The following ACVR2A variants were observed in gnomAD, a reference collection of about 807,000 sequenced individuals.
ACVR2A encodes the protein activin A receptor type 2A, also known as activin receptor type-2A.
In ACVR2A, 7 loss-of-function variants were observed where a neutral mutation model predicts 61.4. The observed-to-expected ratio is 0.11, with a 90% CI of 0.06 to 0.21. The LOEUF is 0.21. ACVR2A is among the 10% of genes least tolerant of loss of function. ACVR2A has a pLI of 1.00. For synonymous variants in ACVR2A, 193 were observed against 208.3 expected (o/e 0.93, Z 0.63); for missense variants, 322 against 621.7 (o/e 0.52, Z 5.13).
At chr2:147,879,108 T>A (rs2105167867) in intron 1 of ACVR2A, among the ~76,000 whole-genome samples, 1 of 152,328 alleles carries the variant, frequency 6.6e-6, no homozygotes, top group Admixed American at 6.5e-5. Flanking sequence ...TATTTGCAAA[T>A]TAGAGATGAT....
chr2:147,853,280 GTATGATGGA>G (rs1685491241), intron 1 of ACVR2A, among the ~76,000 whole-genome samples: 2 of 152,102 alleles, frequency 1.3e-5, no homozygotes, highest in Admixed American at 6.5e-5. Flanking sequence ...GGCAGACACT[GTATGATGGA>G]TATGTCTTCA....
chr2:147,896,730 A>G (rs902131428), intron 2 of ACVR2A: 7 of 450,658 alleles, frequency 1.6e-5, no homozygotes, highest in East Asian at 7.2e-5. Context: ...TGAATAATCT[A>G]CCCAGTAGTG....
At chr2:147,854,239 C>T (rs375093099) in intron 1 of ACVR2A, among the ~76,000 whole-genome samples, 20 of 152,190 alleles carry the variant, frequency 1.3e-4, no homozygotes, top group Non-Finnish European at 2.6e-4. Flanking sequence ...ATCGTGGTTC[C>T]TTACAAAGAG....
chr2:147,882,287 A>G (rs542972321), intron 1 of ACVR2A, among the ~76,000 whole-genome samples: 1 of 152,364 alleles, frequency 6.6e-6, no homozygotes, highest in South Asian at 2.1e-4. Flanking sequence ...GCAGTTGCTC[A>G]TGACTGTAAT....
chr2:147,857,300 A>G (rs911021717), intron 1 of ACVR2A, among the ~76,000 whole-genome samples: 43 of 152,134 alleles, frequency 2.8e-4, no homozygotes, highest in Non-Finnish European at 4.9e-4. Context: ...CTAGCAACAT[A>G]TATTTAGCAG....
chr2:147,868,561 A>G (rs1685933430), intron 1 of ACVR2A, among the ~76,000 whole-genome samples: 2 of 151,782 alleles, frequency 1.3e-5, no homozygotes, highest in Admixed American at 6.6e-5. Flanking sequence ...GATGTGGATA[A>G]TCTGTTCCCT....
chr2:147,891,179 G>A (rs540316263), intron 1 of ACVR2A, among the ~76,000 whole-genome samples: 29 of 152,126 alleles, frequency 1.9e-4, no homozygotes, highest in Non-Finnish European at 7.4e-5. Context: ...CATTACTAAC[G>A]CTGATTGGAA....
chr2:147,896,761 A>AT (rs1349562345), intron 2 of ACVR2A: 5 of 338,438 alleles, frequency 1.5e-5, no homozygotes, highest in African/African-American at 1.0e-4. Context: ...AATAAAAACC[A>AT]TTTTCCCCAA....
At chr2:147,863,553 A>T (rs1268049150) in intron 1 of ACVR2A, among the ~76,000 whole-genome samples, 1 of 152,228 alleles carries the variant, frequency 6.6e-6, no homozygotes, top group Non-Finnish European at 1.5e-5. Context: ...ACACATATAC[A>T]TACTATTTTG....
intron 4 of ACVR2A, among the ~76,000 whole-genome samples, chr2:147,900,876 C>CA (rs1003991802): frequency 4.6e-5 from 7 of 151,834 alleles, no homozygotes; most frequent in Non-Finnish European, 7.4e-5. Context: ...ATTTAATGAC[C>CA]AAAACAACTC....
intron 1 of ACVR2A, among the ~76,000 whole-genome samples, chr2:147,851,512 A>G (rs1378288420): frequency 6.6e-6 from 1 of 152,074 alleles, no homozygotes; most frequent in Non-Finnish European, 1.5e-5. Flanking sequence ...CTTGACTTGC[A>G]GTTTCTTAAA....
intron 1 of ACVR2A, among the ~76,000 whole-genome samples, chr2:147,895,095 CTT>C (rs1451708653): frequency 5.9e-5 from 9 of 151,994 alleles, no homozygotes; most frequent in Non-Finnish European, 1.0e-4. Flanking sequence ...ACAAACCAGT[CTT>C]TTATTATTTG....
intron 1 of ACVR2A, among the ~76,000 whole-genome samples, chr2:147,872,669 T>A (rs1686052199): frequency 1.3e-5 from 2 of 151,518 alleles, no homozygotes. Flanking sequence ...AAAATTATGA[T>A]GTTTTTTTTC....
At chr2:147,914,533 C>T (rs1687203344) in intron 4 of ACVR2A, among the ~76,000 whole-genome samples, 1 of 151,856 alleles carries the variant, frequency 6.6e-6, no homozygotes, top group African/African-American at 2.4e-5. Context: ...CTTTGCCAGT[C>T]AGTCAGTTCC....
chr2:147,857,187 T>C (rs1685601257), intron 1 of ACVR2A, among the ~76,000 whole-genome samples: 1 of 152,156 alleles, frequency 6.6e-6, no homozygotes, highest in Non-Finnish European at 1.5e-5. Context: ...ATTTTCCTTT[T>C]GAATCATTGA....
intron 4 of ACVR2A, among the ~76,000 whole-genome samples, 197 bp from the exon 5 acceptor site, chr2:147,914,994 T>C (rs930513041): frequency 6.6e-6 from 1 of 151,986 alleles, no homozygotes; most frequent in Admixed American, 6.6e-5. Context: ...TATGAAACTC[T>C]GAATTCAGGT....
intron 1 of ACVR2A, among the ~76,000 whole-genome samples, chr2:147,866,020 G>A (rs1477539987): frequency 6.6e-6 from 1 of 152,142 alleles, no homozygotes; most frequent in Non-Finnish European, 1.5e-5. Flanking sequence ...CTCCCTGGTG[G>A]TGAGACAGCT....
intron 1 of ACVR2A, among the ~76,000 whole-genome samples, chr2:147,875,822 C>T (rs1183833863): frequency 2.0e-5 from 3 of 152,000 alleles, no homozygotes; most frequent in Non-Finnish European, 2.9e-5. Context: ...ACAAACCTAC[C>T]ATCCACAGGT....
Position 147,930,202 on chromosome 2 carries a change from T to C in ACVR2A, c.*2928T>C, listed in dbSNP as rs1296684494. On this transcript the variant is annotated 3_prime_UTR_variant, in exon 11 of 11. Coordinates refer to ENST00000241416, the MANE Select transcript of ACVR2A (RefSeq NM_001616.5). ...AACCCAACACCTTTGGAATTTAAAA[T>C]AGAATCATATCATGAAATTTAAAAA... The C allele has an allele frequency of 7.2e-5, 11 of 152,498 alleles. No homozygotes were observed. The East Asian group carries it at 1.9e-3, about 27-fold the overall frequency. The allele number at this position is 152,498 out of a possible 1,614,324, so 9.4% of individuals were successfully genotyped here.
Sources: gnomAD v4.1 joint callset for allele counts (sites outside exome capture counted in the v4.1 genomes callset) on GRCh38, gnomAD v4.1.1 for gene constraint, MANE v1.5 for transcripts, NCBI Gene and HGNC (gene_info 2026-07-23, HGNC 2026-07-21) for gene names.